The following DGKB variants were observed in gnomAD, a reference collection of about 807,000 sequenced individuals.
The protein encoded by DGKB is 90 kDa diacylglycerol kinase.
Under a neutral mutation model 114.3 loss-of-function variants are expected in DGKB, and 67 were observed. The observed-to-expected ratio is 0.59, with a 90% CI of 0.48 to 0.72. DGKB has a LOEUF of 0.72. Among genes scored for constraint, DGKB ranks in the 30% least tolerant of loss-of-function variants. The pLI is 0.00. For synonymous variants in DGKB, 398 were observed against 323.1 expected, an observed-to-expected ratio of 1.23 and a Z score of -2.49; for missense variants, 907 against 975.2, an observed-to-expected ratio of 0.93 and a Z score of 0.93.
At chr7:14,315,002 T>C (rs1475195814) in intron 23 of DGKB, among the ~76,000 whole-genome samples, 2 of 151,942 alleles carry the variant, frequency 1.3e-5, no homozygotes, top group Non-Finnish European at 2.9e-5. Flanking sequence ...AAAAGAATTT[T>C]CAACCCAGAA....
At chr7:14,154,557 C>G (rs1475104271) in intron 25 of DGKB, among the ~76,000 whole-genome samples, 1 of 150,556 alleles carries the variant, frequency 6.6e-6, no homozygotes, top group South Asian at 2.1e-4. Context: ...TTACCTGGTA[C>G]AAAAAAAGCA....
At chr7:14,564,156 A>G (rs1797062023) in intron 20 of DGKB, among the ~76,000 whole-genome samples, 1 of 152,270 alleles carries the variant, frequency 6.6e-6, no homozygotes, top group African/African-American at 2.4e-5. Flanking sequence ...GGAAGGATCA[A>G]TGGTATCCAT....
rs1265742350 is a variant in DGKB at position 14,278,156 on chromosome 7, A to G, written c.2122+60359T>C. 2.0e-5 allele frequency among the ~76,000 whole-genome samples: 3 copies of G among 152,210 alleles called. No homozygotes were observed. The East Asian group carries it at 5.8e-4, about 29-fold the overall frequency. On this transcript the variant is annotated intron_variant, in intron 23 of 25. Transcript: ENST00000402815. ...CAGAAAAAACACTCTTTAAATTCTC[A>G]TGGACCCACAAAAGACCCTGAATAA...
chr7:14,790,447 C>A (rs1047221294), intron 2 of DGKB, among the ~76,000 whole-genome samples: 17 of 126,586 alleles, frequency 1.3e-4, no homozygotes, highest in African/African-American at 6.5e-4. Context: ...AATATAAGAC[C>A]ACATCCATTT....
At chr7:14,750,217 T>C in intron 4 of DGKB, 3 of 504,832 alleles carry the variant, frequency 5.9e-6, no homozygotes, top group Middle Eastern at 6.4e-4. Flanking sequence ...AGTTAAAGCA[T>C]AATTTTCTAA....
At chr7:14,849,273 G>C (rs1849033774) in intron 1 of DGKB, among the ~76,000 whole-genome samples, 1 of 151,948 alleles carries the variant, frequency 6.6e-6, no homozygotes, top group East Asian at 1.9e-4. Context: ...TGTATATAGA[G>C]GGTCATCTGA....
At chr7:14,158,236 C>T (rs1783327917) in intron 25 of DGKB, among the ~76,000 whole-genome samples, 1 of 152,168 alleles carries the variant, frequency 6.6e-6, no homozygotes, top group African/African-American at 2.4e-5. Flanking sequence ...ATTTTGCTAA[C>T]CCCTCTTCTA....
intron 4 of DGKB, among the ~76,000 whole-genome samples, chr7:14,742,640 T>A (rs1208648104): frequency 1.3e-5 from 2 of 152,238 alleles, no homozygotes; most frequent in Admixed American, 6.5e-5. Flanking sequence ...ACATACTGAA[T>A]TAACCAAGCC....
chr7:14,290,751 A>G (rs1273384309), intron 23 of DGKB, among the ~76,000 whole-genome samples: 2 of 152,202 alleles, frequency 1.3e-5, no homozygotes, highest in African/African-American at 4.8e-5. Flanking sequence ...TGTCAAGAAA[A>G]CATCTCTGTG....
intron 21 of DGKB, among the ~76,000 whole-genome samples, chr7:14,385,981 G>A (rs905192209): frequency 3.9e-5 from 6 of 152,226 alleles, no homozygotes; most frequent in Non-Finnish European, 8.8e-5. Flanking sequence ...CTAAATTTCA[G>A]TGAAGTGAAA....
In DGKB at chr7:14,245,656, G is replaced by C. The variant is rs1794366131; in HGVS notation, c.2123-67505C>G. On this transcript the variant is annotated intron_variant, in intron 23 of 25. Coordinates refer to ENST00000402815, the MANE Select transcript of DGKB (RefSeq NM_001350709.2). ...ATTTAACATGATTTCTGCCAGGCGA[G>C]ACGGCTGACGCCTGTAATCCTAGCA... 2.0e-5 allele frequency among the ~76,000 whole-genome samples: 3 copies of C among 152,150 alleles called. No individual in the cohort carries two copies. The South Asian group carries it at 6.2e-4, about 32-fold the overall frequency.
chr7:14,229,915 A>G (rs1281297309), intron 23 of DGKB, among the ~76,000 whole-genome samples: 1 of 152,048 alleles, frequency 6.6e-6, no homozygotes, highest in East Asian at 1.9e-4. Context: ...CAATAATGCA[A>G]AAGTCAATGT....
chr7:14,854,465 G>T (rs1206195146), intron 1 of DGKB, among the ~76,000 whole-genome samples: 4 of 152,200 alleles, frequency 2.6e-5, no homozygotes, highest in Admixed American at 1.3e-4. Context: ...TGGTTATGGA[G>T]TGGGGGAGAT....
intron 1 of DGKB, among the ~76,000 whole-genome samples, chr7:14,962,277 G>C (rs575872091): frequency 1.3e-5 from 2 of 152,170 alleles, no homozygotes; most frequent in Non-Finnish European, 2.9e-5. Context: ...TTTTCAGTGT[G>C]AGAATGGCTG....
intron 23 of DGKB, among the ~76,000 whole-genome samples, chr7:14,314,527 T>C (rs1163990159): frequency 1.3e-5 from 2 of 151,818 alleles, no homozygotes; most frequent in Non-Finnish European, 2.9e-5. Flanking sequence ...GAAGAAAGGG[T>C]ATCAGCAATG....
At chr7:14,312,983 T>C (rs1805664588) in intron 23 of DGKB, among the ~76,000 whole-genome samples, 2 of 152,338 alleles carry the variant, frequency 1.3e-5, no homozygotes, top group Admixed American at 1.3e-4. Flanking sequence ...GATTAATTCA[T>C]GGTATTAAAA....
chr7:14,777,554 C>T (rs1838391085), intron 2 of DGKB, among the ~76,000 whole-genome samples: 1 of 152,162 alleles, frequency 6.6e-6, no homozygotes, highest in African/African-American at 2.4e-5. Flanking sequence ...TTTTCTTCCT[C>T]TTTGCTCTGC....
chr7:14,733,229 A>T (rs535290063), intron 5 of DGKB, among the ~76,000 whole-genome samples: 1 of 152,350 alleles, frequency 6.6e-6, no homozygotes, highest in Admixed American at 6.5e-5. Flanking sequence ...TGATTGAAAG[A>T]GAATTATTTA....
intron 21 of DGKB, among the ~76,000 whole-genome samples, chr7:14,465,074 G>A (rs545780328): frequency 5.3e-5 from 8 of 152,210 alleles, no homozygotes; most frequent in African/African-American, 1.9e-4. Flanking sequence ...ACTTTTTGGG[G>A]ATGTCTTCTC....
Sources: gnomAD v4.1 joint callset for allele counts (sites outside exome capture counted in the v4.1 genomes callset) on GRCh38, gnomAD v4.1.1 for gene constraint, MANE v1.5 for transcripts, NCBI Gene and HGNC (gene_info 2026-07-23, HGNC 2026-07-21) for gene names.